Variants in EPM2A observed in about 807,000 individuals in gnomAD.
The protein encoded by EPM2A is EPM2A glucan phosphatase, laforin, also known as laforin.
In EPM2A, 21 loss-of-function variants were observed where a neutral mutation model predicts 26.5. The ratio of observed to expected loss-of-function variants is 0.79; its 90% CI spans 0.56 to 1.14. The LOEUF (loss-of-function observed/expected upper bound fraction) is 1.14. Ranked by LOEUF, EPM2A falls within the 50% of genes most tolerant of loss-of-function variation. The pLI is 0.00. For synonymous variants in EPM2A, 217 were observed against 177.6 expected, an observed-to-expected ratio of 1.22 and a Z score of -1.76; for missense variants, 458 against 440.8, an observed-to-expected ratio of 1.04 and a Z score of -0.35.
intron 2 of EPM2A, among the ~76,000 whole-genome samples, chr6:145,666,791 G>T (rs2128594277): frequency 6.6e-6 from 1 of 150,958 alleles, no homozygotes; most frequent in East Asian, 1.9e-4. Context: ...AACCAAAACA[G>T]CATGGTACTG....
chr6:145,718,880 C>T (rs1474831695), intron 1 of EPM2A, among the ~76,000 whole-genome samples: 1 of 152,160 alleles, frequency 6.6e-6, no homozygotes, highest in African/African-American at 2.4e-5. Context: ...AAATGCTCAT[C>T]ATCACTGGCC....
intron 3 of EPM2A, chr6:145,631,782 T>A (rs1381132089): frequency 6.6e-6 from 1 of 150,984 alleles, no homozygotes; most frequent in Non-Finnish European, 1.5e-5. Flanking sequence ...AAGAGAGGGG[T>A]CAAAAGGCCC....
intron 4 of EPM2A, among the ~76,000 whole-genome samples, chr6:145,438,469 ATTTTTTTTTT>A (rs68038397): frequency 0.061 from 7,189 of 117,272 alleles, 613 homozygotes; most frequent in African/African-American, 0.2. Flanking sequence ...GAAGGGAATA[ATTTTTTTTTT>A]TTTTTTTTTT....
intron 2 of EPM2A, among the ~76,000 whole-genome samples, chr6:145,666,900 A>G (rs903205081): frequency 2.1e-5 from 3 of 145,180 alleles, no homozygotes; most frequent in African/African-American, 8.2e-5. Flanking sequence ...CCTGAGAAAA[A>G]CAAGCAATGG....
chr6:145,492,362 G>A (rs1779766380), intron 4 of EPM2A, among the ~76,000 whole-genome samples: 1 of 152,172 alleles, frequency 6.6e-6, no homozygotes, highest in African/African-American at 2.4e-5. Flanking sequence ...ACCATCTAGG[G>A]TGGCGTACCT....
intron 1 of EPM2A, among the ~76,000 whole-genome samples, chr6:145,707,069 C>T (rs1263902881): frequency 6.6e-6 from 1 of 152,180 alleles, no homozygotes; most frequent in Non-Finnish European, 1.5e-5. Context: ...TCTATTAATA[C>T]TGGTGCCTTA....
chr6:145,475,399 T>C (rs1485504664), intron 4 of EPM2A, among the ~76,000 whole-genome samples: 2 of 152,084 alleles, frequency 1.3e-5, no homozygotes, highest in Non-Finnish European at 2.9e-5. Flanking sequence ...CACTCATAAG[T>C]TGGAGTTGAA....
intron 4 of EPM2A, among the ~76,000 whole-genome samples, chr6:145,417,565 A>G (rs1217476601): frequency 6.6e-6 from 1 of 152,200 alleles, no homozygotes; most frequent in African/African-American, 2.4e-5. Flanking sequence ...TGAAATTTCT[A>G]GCTGAAGCTC....
chr6:145,442,311 T>C (rs970951517), intron 4 of EPM2A, among the ~76,000 whole-genome samples: 6 of 152,230 alleles, frequency 3.9e-5, no homozygotes, highest in Admixed American at 6.5e-5. Flanking sequence ...CCGGTACCAA[T>C]TTATTGTATT....
chr6:145,627,339 T>A lies in EPM2A; in HGVS notation c.*77A>T, dbSNP rs1223793515. 2 of 1,606,208 alleles carry A rather than the reference T, an allele frequency of 1.2e-6. No individual in the cohort carries two copies. Among genetic ancestry groups the A allele is most frequent in the Non-Finnish European group, 1.7e-6 (2 of 1,179,876 alleles). On this transcript the variant is annotated 3_prime_UTR_variant, in exon 4 of 4. Coordinates refer to ENST00000367519, the MANE Select transcript of EPM2A (RefSeq NM_005670.4). Reference sequence around the variant, plus strand: ...AGTCCTTTCAGTTCAGGTAGAATCCTTGTTTCTAGGTCATTTGACCAACAT... The same window carrying A: ...AGTCCTTTCAGTTCAGGTAGAATCCATGTTTCTAGGTCATTTGACCAACAT...
exon 5 of EPM2A, chr6:145,383,690 A>T (rs958839548): frequency 1.3e-5 from 2 of 152,220 alleles, no homozygotes; most frequent in Non-Finnish European, 2.9e-5. Context: ...TTGAGCAGAG[A>T]CACAGATCCA....
intron 1 of EPM2A, among the ~76,000 whole-genome samples, chr6:145,719,997 GTTT>G (rs1775865430): frequency 6.6e-6 from 1 of 152,136 alleles, no homozygotes; most frequent in African/African-American, 2.4e-5. Context: ...ACCTAGAAGA[GTTT>G]TTAGTGTTTT....
chr6:145,606,338 T>C (rs2128551102), intron 2 of EPM2A, among the ~76,000 whole-genome samples: 1 of 152,146 alleles, frequency 6.6e-6, no homozygotes, highest in South Asian at 2.1e-4. Flanking sequence ...TATAGGAAAA[T>C]TAATACTCAG....
chr6:145,464,946 ATGT>A (rs1240046849), intron 4 of EPM2A, among the ~76,000 whole-genome samples: 3 of 152,006 alleles, frequency 2.0e-5, no homozygotes, highest in Non-Finnish European at 4.4e-5. Context: ...TCTGACAATT[ATGT>A]GTCTTGGTGT....
At chr6:145,477,200 G>C (rs1779553767) in intron 4 of EPM2A, among the ~76,000 whole-genome samples, 1 of 151,780 alleles carries the variant, frequency 6.6e-6, no homozygotes, top group Non-Finnish European at 1.5e-5. Context: ...CAAAGTCTCA[G>C]ATATATGCAA....
At chr6:145,636,805 C>G (rs1001868839) in intron 2 of EPM2A, 1 of 151,774 alleles carries the variant, frequency 6.6e-6, no homozygotes, top group Non-Finnish European at 1.5e-5. Flanking sequence ...CACCTGTAAT[C>G]CCAGCTACCT....
chr6:145,469,937 A>G (rs1244864469), intron 4 of EPM2A, among the ~76,000 whole-genome samples: 2 of 152,154 alleles, frequency 1.3e-5, no homozygotes, highest in Non-Finnish European at 2.9e-5. Flanking sequence ...GAAACTTTGC[A>G]TGTTCTCATG....
chr6:145,728,503 A>C (rs1776324437), intron 1 of EPM2A, among the ~76,000 whole-genome samples: 1 of 152,200 alleles, frequency 6.6e-6, no homozygotes, highest in African/African-American at 2.4e-5. Flanking sequence ...AGAGACTGGC[A>C]GCATTGTGCT....
At chr6:145,479,251 A>T (rs1452570967) in intron 4 of EPM2A, among the ~76,000 whole-genome samples, 1 of 147,708 alleles carries the variant, frequency 6.8e-6, no homozygotes, top group Non-Finnish European at 1.5e-5. Context: ...AAATAAAATT[A>T]GCCAATTAGC....
Sources: gnomAD v4.1 joint callset for allele counts (sites outside exome capture counted in the v4.1 genomes callset) on GRCh38, gnomAD v4.1.1 for gene constraint, MANE v1.5 for transcripts, NCBI Gene and HGNC (gene_info 2026-07-23, HGNC 2026-07-21) for gene names.